FILIP1L: variants seen among roughly 807,000 people sequenced by gnomAD.
FILIP1L encodes filamin A interacting protein 1 like, also known as filamin A-interacting protein 1-like.
In FILIP1L, 55 loss-of-function variants were observed where a neutral mutation model predicts 96.6. The ratio of observed to expected loss-of-function variants is 0.57; its 90% CI spans 0.46 to 0.71. The LOEUF is 0.71. FILIP1L is among the 30% of genes least tolerant of loss of function. The pLI is 0.00. For synonymous variants in FILIP1L, 467 were observed against 473.9 expected (o/e 0.99, Z 0.19); for missense variants, 1,304 against 1,321.2 (o/e 0.99, Z 0.20).
At chr3:99,959,262 G>T (rs976018218) in intron 1 of FILIP1L, among the ~76,000 whole-genome samples, 1 of 152,140 alleles carries the variant, frequency 6.6e-6, no homozygotes, top group Non-Finnish European at 1.5e-5. Context: ...TGATTCTCAT[G>T]CCTCAGCCTC....
intron 1 of FILIP1L, among the ~76,000 whole-genome samples, chr3:100,037,504 A>C (rs1249848826): frequency 1.3e-5 from 2 of 152,212 alleles, no homozygotes; most frequent in Non-Finnish European, 2.9e-5. Flanking sequence ...AAGCCAGCGC[A>C]ACATATAGAA....
chr3:100,049,708 G>A (rs576060833), intron 1 of FILIP1L, among the ~76,000 whole-genome samples: 1 of 152,208 alleles, frequency 6.6e-6, no homozygotes, highest in South Asian at 2.1e-4. Context: ...ATAATGAATA[G>A]TAAATATATT....
At chr3:100,085,074 G>A (rs1344740346) in intron 1 of FILIP1L, among the ~76,000 whole-genome samples, 1 of 152,102 alleles carries the variant, frequency 6.6e-6, no homozygotes. Context: ...CCTAAACTAA[G>A]CCGTATCCCC....
intron 1 of FILIP1L, among the ~76,000 whole-genome samples, chr3:100,035,691 TA>T (rs1366233396): frequency 2.0e-5 from 3 of 152,248 alleles, no homozygotes; most frequent in Non-Finnish European, 4.4e-5. Flanking sequence ...CATTCTGATA[TA>T]GGGGTATTTC....
chr3:100,075,121 G>A (rs185136284), intron 1 of FILIP1L, among the ~76,000 whole-genome samples: 3 of 151,902 alleles, frequency 2.0e-5, no homozygotes, highest in Admixed American at 2.0e-4. Context: ...TTTATCCTGG[G>A]GTCAAACCCA....
At chr3:100,009,225 T>A (rs1164616236) in intron 1 of FILIP1L, among the ~76,000 whole-genome samples, 1 of 152,238 alleles carries the variant, frequency 6.6e-6, no homozygotes, top group Non-Finnish European at 1.5e-5. Context: ...TCTTGGATTT[T>A]AACCTACGGT....
chr3:99,848,818 G>C lies in FILIP1L; in HGVS notation c.2858C>G (p.Ser953Cys). The change falls in exon 5 of 6, where the codon TCC (serine) becomes TGC (cysteine). Residue 953 changes from serine (S) to cysteine (C), a missense_variant. By Grantham distance (112) the Ser-to-Cys change is moderately radical (BLOSUM62 -1). Coordinates refer to ENST00000477258, the MANE Select transcript of FILIP1L (RefSeq NM_001387850.1). ...GGTTTTGGACTTTACTGGTGTTATG[G>C]AGGCGTTTTGGAGGATGGTTATCCT... ...KQRITILQNA[S>C]ITPVKSKTST... The C allele has an allele frequency of 6.2e-7, 1 of 1,611,864 alleles. No homozygotes were observed. Among genetic ancestry groups the C allele is most frequent in the Non-Finnish European group, 8.5e-7 (1 of 1,177,942 alleles).
chr3:100,081,072 T>C (rs1040568559), intron 1 of FILIP1L, among the ~76,000 whole-genome samples: 1 of 152,244 alleles, frequency 6.6e-6, no homozygotes, highest in Admixed American at 6.5e-5. Flanking sequence ...ACAGCCAATG[T>C]TATATCCATT....
At chr3:100,020,830 C>T (rs1326361299) in intron 1 of FILIP1L, among the ~76,000 whole-genome samples, 2 of 131,196 alleles carry the variant, frequency 1.5e-5, no homozygotes, top group Admixed American at 9.0e-5. Flanking sequence ...TACAGTGGCA[C>T]GATCTCAGCT....
chr3:99,902,507 G>T (rs908799354), intron 4 of FILIP1L, among the ~76,000 whole-genome samples: 2 of 152,140 alleles, frequency 1.3e-5, no homozygotes, highest in African/African-American at 4.8e-5. Flanking sequence ...ATATATAAGG[G>T]TATCTAGCTG....
chr3:100,096,632 G>A (rs1282685520), intron 1 of FILIP1L, among the ~76,000 whole-genome samples: 2 of 151,052 alleles, frequency 1.3e-5, no homozygotes, highest in African/African-American at 4.8e-5. Context: ...GTAGGGGGTG[G>A]GGAGGAGATG....
At chr3:100,054,216 C>T (rs2065422333) in intron 1 of FILIP1L, among the ~76,000 whole-genome samples, 1 of 152,136 alleles carries the variant, frequency 6.6e-6, no homozygotes, top group African/African-American at 2.4e-5. Flanking sequence ...ACAAACTAAC[C>T]GAGACATCAC....
At chr3:100,099,177 G>T (rs1222534998) in intron 1 of FILIP1L, among the ~76,000 whole-genome samples, 1 of 152,122 alleles carries the variant, frequency 6.6e-6, no homozygotes, top group Non-Finnish European at 1.5e-5. Flanking sequence ...CTGGATTTCT[G>T]CATTTTTTAG....
In FILIP1L at chr3:99,997,740, A is replaced by G. The variant is rs574678416; in HGVS notation, c.-10-66710T>C. 2.1e-4 allele frequency among the ~76,000 whole-genome samples: 32 copies of G among 152,340 alleles called. 1 individual carries two copies. The South Asian group carries it at 6.6e-3, about 32-fold the overall frequency. On this transcript the variant is annotated intron_variant, in intron 1 of 5. Transcript: ENST00000477258. ...TTAAAACTTTGTACACAGAGCTATG[A>G]AAATAAAGAATATTTATGAAAAGAT...
intron 1 of FILIP1L, among the ~76,000 whole-genome samples, chr3:100,090,320 A>G (rs1205828267): frequency 6.6e-6 from 1 of 152,232 alleles, no homozygotes; most frequent in South Asian, 2.1e-4. Flanking sequence ...GCTCACTGAA[A>G]ATAATTGAAA....
intron 1 of FILIP1L, among the ~76,000 whole-genome samples, chr3:99,954,701 C>G (rs1346313817): frequency 1.3e-5 from 2 of 152,060 alleles, no homozygotes; most frequent in Non-Finnish European, 2.9e-5. Flanking sequence ...TGGTGCCCAC[C>G]TGTAATCCCA....
intron 4 of FILIP1L, among the ~76,000 whole-genome samples, chr3:99,920,097 T>A (rs1707077533): frequency 1.3e-5 from 2 of 152,340 alleles, no homozygotes; most frequent in Admixed American, 6.5e-5. Context: ...TTTAACACAA[T>A]CCATGGTTGA....
intron 1 of FILIP1L, among the ~76,000 whole-genome samples, chr3:100,060,919 A>G (rs931567619): frequency 6.6e-6 from 1 of 152,182 alleles, no homozygotes; most frequent in African/African-American, 2.4e-5. Flanking sequence ...AGATCTATCA[A>G]TGGCCTGCAT....
Position 99,938,090 on chromosome 3 carries a change from CGT to C in FILIP1L, c.-10-7062_-10-7061del, listed in dbSNP as rs1491074221. 3.5e-3 allele frequency among the ~76,000 whole-genome samples: 521 copies of C among 150,420 alleles called. 2 individuals carry two copies. The highest frequency in any genetic ancestry group is 6.2e-3 in the Non-Finnish European group (421 of 67,442). On this transcript the variant is annotated intron_variant, in intron 1 of 5. Coordinates refer to ENST00000477258, the MANE Select transcript of FILIP1L (RefSeq NM_001387850.1). ...GTGTGTGTGTGCGCGCGCGCGCGCG[CGT>C]GCATGCACACTCGTGCTGGGTGGGG...
Sources: allele counts gnomAD v4.1 joint callset (sites outside exome capture counted in the v4.1 genomes callset), GRCh38; gene constraint gnomAD v4.1.1; transcripts MANE v1.5; gene names NCBI Gene and HGNC (gene_info 2026-07-23, HGNC 2026-07-21).